RAB3B: variants seen among roughly 807,000 people sequenced by gnomAD.
RAB3B encodes the protein RAB3B, member RAS oncogene family, also known as ras-related protein Rab-3B.
Under a neutral mutation model 20.5 loss-of-function variants are expected in RAB3B, and 11 were observed. The ratio of observed to expected loss-of-function variants is 0.54; its 90% CI spans 0.34 to 0.89. RAB3B has a LOEUF of 0.89. Among genes scored for constraint, RAB3B ranks in the 40% least tolerant of loss-of-function variants. RAB3B has a pLI of 0.02. For synonymous variants in RAB3B, 99 were observed against 106.3 expected (o/e 0.93, Z 0.42); for missense variants, 225 against 280.9 (o/e 0.80, Z 1.42).
chr1:51,967,510 C>CTTTTTTTTTTTTTTTTTTT (rs1466114151), intron 2 of RAB3B, among the ~76,000 whole-genome samples: 1 of 28,154 alleles, frequency 3.6e-5, no homozygotes, highest in Non-Finnish European at 1.1e-4. Flanking sequence ...TTTTTCTTTT[C>CTTTTTTTTTTTTTTTTTTT]TTTTCTTTTT....
At chr1:51,921,236 C>T (rs1684168135) in intron 4 of RAB3B, among the ~76,000 whole-genome samples, 3 of 152,130 alleles carry the variant, frequency 2.0e-5, no homozygotes, top group Admixed American at 2.0e-4. Flanking sequence ...CCCTGTGTCC[C>T]TTGCATTTTC....
intron 2 of RAB3B, among the ~76,000 whole-genome samples, chr1:51,976,367 A>G (rs761972896): frequency 6.6e-6 from 1 of 152,002 alleles, no homozygotes; most frequent in Admixed American, 6.6e-5. Flanking sequence ...AGGTCTCACA[A>G]TGTTGCCCAG....
intron 1 of RAB3B, among the ~76,000 whole-genome samples, chr1:51,979,995 C>CCAGG (rs1422107532): frequency 1.3e-5 from 2 of 151,978 alleles, no homozygotes; most frequent in Non-Finnish European, 2.9e-5. Flanking sequence ...GAGCTGAGAT[C>CCAGG]CAGGCCACTG....
At chr1:51,930,574 C>A (rs79002194) in intron 4 of RAB3B, among the ~76,000 whole-genome samples, 1 of 152,126 alleles carries the variant, frequency 6.6e-6, no homozygotes, top group Non-Finnish European at 1.5e-5. Flanking sequence ...AAAACACACA[C>A]ACACAAAATG....
At chr1:51,924,833 GGT>G (rs1357764112) in intron 4 of RAB3B, among the ~76,000 whole-genome samples, 2 of 152,070 alleles carry the variant, frequency 1.3e-5, no homozygotes, top group African/African-American at 2.4e-5. Flanking sequence ...CTTTTCTTCA[GGT>G]TCATTAATAA....
rs1684110939 is a variant in RAB3B at position 51,917,915 on chromosome 1, T to C, written c.*2012A>G. The C allele has an allele frequency of 6.6e-6, 1 of 152,104 alleles. No homozygotes were observed. Among genetic ancestry groups the C allele is most frequent in the South Asian group, 2.1e-4 (1 of 4,820 alleles). 9.4% of individuals were successfully genotyped at this position (152,104 alleles called of 1,614,324 possible). A position where few individuals can be genotyped will look rare whatever the true frequency, so the allele number is the denominator to read the frequency against. On this transcript the variant is annotated 3_prime_UTR_variant, in exon 5 of 5. Coordinates refer to ENST00000371655, the MANE Select transcript of RAB3B (RefSeq NM_002867.4). ...TACTTTTCTAGGACAATGAGCCTCA[T>C]TTGAAATGAAAAGAAAACTGGCGAG...
chr1:51,961,458 T>C (rs2124289957), intron 2 of RAB3B, among the ~76,000 whole-genome samples: 1 of 152,202 alleles, frequency 6.6e-6, no homozygotes. Context: ...GAAGGCAGTT[T>C]GGTGTGAAAA....
At chr1:51,933,246 T>A in intron 4 of RAB3B, 72 bp downstream of exon 4, 1 of 1,514,882 alleles carries the variant, frequency 6.6e-7, no homozygotes, top group Admixed American at 1.8e-5. Flanking sequence ...AACACACTCG[T>A]ACCCTGTTTA....
chr1:51,976,921 C>T lies in RAB3B; in HGVS notation c.197G>A (p.Arg66His), dbSNP rs764753734. ...CTGCAGTTTCACCCGCTTCTCGTGA[C>T]GGTAGACTGTCTTCACCTTGAAGTC... ...GIDFKVKTVY[R>H]HEKRVKLQIW... is the part of the protein sequence containing the mutation. The change falls in exon 2 of 5, where the codon CGT becomes CAT. Residue 66 changes from arginine (R) to histidine (H), a missense_variant. By Grantham distance (29) the Arg-to-His change is conservative. Transcript: ENST00000371655. 5.0e-5 allele frequency: 81 copies of T among 1,614,064 alleles called. No homozygotes were observed. The highest frequency in any genetic ancestry group is 6.6e-5 in the Non-Finnish European group (78 of 1,180,024).
intron 2 of RAB3B, among the ~76,000 whole-genome samples, chr1:51,965,909 C>T (rs1291034718): frequency 6.6e-6 from 1 of 152,188 alleles, no homozygotes; most frequent in African/African-American, 2.4e-5. Flanking sequence ...GAACTCTACA[C>T]TATCACTGCA....
intron 2 of RAB3B, among the ~76,000 whole-genome samples, chr1:51,968,211 GT>G: frequency 6.6e-6 from 1 of 152,268 alleles, no homozygotes; most frequent in South Asian, 2.1e-4. Flanking sequence ...TTTTAACCCA[GT>G]GAGACCCACC....
At chr1:51,947,343 C>G (rs1259236733) in intron 2 of RAB3B, among the ~76,000 whole-genome samples, 1 of 151,760 alleles carries the variant, frequency 6.6e-6, no homozygotes, top group Non-Finnish European at 1.5e-5. Flanking sequence ...TTGCAGTGAG[C>G]TGAGATTGCA....
In RAB3B at chr1:51,911,847, AC is replaced by A. The variant is rs975781916; in HGVS notation, c.*8079del. 5 of 152,176 alleles carry A rather than the reference AC, an allele frequency of 3.3e-5. No individual in the cohort carries two copies. Among genetic ancestry groups the A allele is most frequent in the African/African-American group, 1.2e-4 (5 of 41,450 alleles). The allele number at this position is 152,176 out of a possible 1,614,324, so 9.4% of individuals were successfully genotyped here. On this transcript the variant is annotated 3_prime_UTR_variant, in exon 5 of 5. Transcript: ENST00000371655. Reference sequence around the variant, plus strand: ...GGATTCTGATGGGCCCTGCTTGATCACATGCTCCGTTTATTGACAGTCTTCA... The same window carrying A: ...GGATTCTGATGGGCCCTGCTTGATCAATGCTCCGTTTATTGACAGTCTTCA...
At chr1:51,984,178 C>T (rs1487519371) in intron 1 of RAB3B, among the ~76,000 whole-genome samples, 1 of 130,720 alleles carries the variant, frequency 7.6e-6, no homozygotes, top group East Asian at 2.7e-4. Flanking sequence ...GCAGGAGAAT[C>T]ACTTGAACCT....
intron 2 of RAB3B, among the ~76,000 whole-genome samples, chr1:51,965,584 T>G (rs1255912614): frequency 3.3e-5 from 5 of 151,434 alleles, no homozygotes; most frequent in African/African-American, 1.2e-4. Context: ...GAAGCGGAGG[T>G]TGCAGTGAGC....
intron 4 of RAB3B, among the ~76,000 whole-genome samples, chr1:51,931,515 A>G (rs142291437): frequency 6.6e-6 from 1 of 152,322 alleles, no homozygotes; most frequent in African/African-American, 2.4e-5. Flanking sequence ...GGACAATAAA[A>G]TGAAGTACCC....
At chr1:51,974,514 T>G (rs1020821687) in intron 2 of RAB3B, among the ~76,000 whole-genome samples, 5 of 152,244 alleles carry the variant, frequency 3.3e-5, no homozygotes, top group Non-Finnish European at 7.3e-5. Context: ...TTCTTCTATT[T>G]CTAATGATCT....
rs1684058582 is a variant in RAB3B at position 51,914,777 on chromosome 1, G to T, written c.*5150C>A. 1 of 152,154 alleles carries T rather than the reference G, an allele frequency of 6.6e-6. No individual in the cohort carries two copies. Among genetic ancestry groups the T allele is most frequent in the Non-Finnish European group, 1.5e-5 (1 of 68,034 alleles). The allele number at this position is 152,154 out of a possible 1,614,324, so 9.4% of individuals were successfully genotyped here. A position where few individuals can be genotyped will look rare whatever the true frequency, so the allele number is the denominator to read the frequency against. On this transcript the variant is annotated 3_prime_UTR_variant, in exon 5 of 5. Transcript: ENST00000371655. ...AAATCAATGAGATCCCAGGACACTG[G>T]TTATTGTAGTTCTTTCCCCTTCCCC...
intron 1 of RAB3B, among the ~76,000 whole-genome samples, chr1:51,982,450 GTGT>G (rs1355431894): frequency 6.6e-6 from 1 of 151,984 alleles, no homozygotes; most frequent in Non-Finnish European, 1.5e-5. Context: ...TTTAAGTTAA[GTGT>G]TGTTATAAAA....
Sources: gnomAD v4.1 joint callset for allele counts (sites outside exome capture counted in the v4.1 genomes callset) on GRCh38, gnomAD v4.1.1 for gene constraint, MANE v1.5 for transcripts, NCBI Gene and HGNC (gene_info 2026-07-23, HGNC 2026-07-21) for gene names.